CCDC102B: variants seen among roughly 807,000 people sequenced by gnomAD.
CCDC102B encodes the protein coiled-coil domain-containing protein 102B.
CCDC102B carries 75 observed loss-of-function variants against 57.4 expected under a neutral mutation model. The ratio of observed to expected loss-of-function variants is 1.31; its 90% confidence interval spans 1.08 to 1.58. The LOEUF (loss-of-function observed/expected upper bound fraction) is 1.58. Among genes scored for constraint, CCDC102B ranks in the 40% most tolerant of loss-of-function variants. The probability of loss-of-function intolerance (pLI) is 0.00; values close to 1 mark genes in which losing one functional copy is unlikely to be tolerated. For missense variants in CCDC102B, 636 were observed against 582.6 expected (o/e 1.09, Z -0.94); for synonymous variants, 206 against 201.9 (o/e 1.02, Z -0.17).
intron 2 of CCDC102B, among the ~76,000 whole-genome samples, chr18:68,784,867 T>C (rs2035138744): frequency 6.6e-6 from 1 of 152,070 alleles, no homozygotes; most frequent in South Asian, 2.1e-4. Context: ...AGTGTACTTG[T>C]GCACATTGTG....
intron 5 of CCDC102B, among the ~76,000 whole-genome samples, chr18:68,893,069 T>C (rs1227228874): frequency 6.6e-6 from 1 of 152,260 alleles, no homozygotes; most frequent in Non-Finnish European, 1.5e-5. Context: ...ATTTAAAAAG[T>C]GATTGTCATC....
At chr18:68,765,459 AAG>A (rs769046649) in intron 2 of CCDC102B, among the ~76,000 whole-genome samples, 62 of 151,610 alleles carry the variant, frequency 4.1e-4, no homozygotes, top group South Asian at 1.3e-3. Context: ...AAGAGGAAGA[AAG>A]AGAGAGAAAG....
chr18:68,874,776 A>G lies in CCDC102B; in HGVS notation c.1044A>G (p.Leu348=). Residue 348 remains leucine (L), a synonymous_variant, in exon 5 of 8, where the codon TTA becomes TTG. Coordinates refer to ENST00000360242, the MANE Select transcript of CCDC102B (RefSeq NM_024781.3). ...QNSKDRVICE[L]RAELERLQAE... is the part of the protein sequence containing the mutation. Reference sequence around the variant, plus strand: ...GCAAAGACAGAGTGATTTGTGAGTTAAGAGCAGAGGTAAGACACTGGGTAA... The same window carrying G: ...GCAAAGACAGAGTGATTTGTGAGTTGAGAGCAGAGGTAAGACACTGGGTAA... 6.3e-7 allele frequency: 1 copy of G among 1,591,038 alleles called. No individual in the cohort carries two copies. The highest frequency in any genetic ancestry group is 8.6e-7 in the Non-Finnish European group (1 of 1,159,600).
chr18:68,949,965 T>G (rs1391644936), intron 6 of CCDC102B, among the ~76,000 whole-genome samples: 1 of 152,152 alleles, frequency 6.6e-6, no homozygotes, highest in Non-Finnish European at 1.5e-5. Flanking sequence ...ATCTAAGAGA[T>G]ATCACCAACC....
intron 6 of CCDC102B, among the ~76,000 whole-genome samples, chr18:68,992,114 C>T (rs2050885340): frequency 6.7e-6 from 1 of 150,158 alleles, no homozygotes; most frequent in South Asian, 2.1e-4. Context: ...TCATTTGGTT[C>T]TCTGATTCAA....
At position 69,055,068 on chromosome 18, in the gene CCDC102B, T is replaced by C; in HGVS notation, c.*931T>C. The C allele has an allele frequency of 1.0e-6, 1 of 983,300 alleles. No homozygotes were observed. Among genetic ancestry groups the C allele is most frequent in the Non-Finnish European group, 1.2e-6 (1 of 828,038 alleles). The allele number at this position is 983,300 out of a possible 1,614,324, so 60.9% of individuals were successfully genotyped here. A position where few individuals can be genotyped will look rare whatever the true frequency, so the allele number is the denominator to read the frequency against. ...ATACCTATTTTCAACTGAAGGCAAC[T>C]TGTAAGATTTAACTCAGTCAATAAC... On this transcript the variant is annotated 3_prime_UTR_variant, in exon 8 of 8. Transcript: ENST00000360242.
chr18:68,817,825 A>T (rs374415442), intron 1 of CCDC102B, among the ~76,000 whole-genome samples: 1 of 152,270 alleles, frequency 6.6e-6, no homozygotes, highest in East Asian at 1.9e-4. Flanking sequence ...ATATTTGATA[A>T]TGAAATTCTC....
At chr18:68,963,945 G>A (rs539928068) in intron 6 of CCDC102B, among the ~76,000 whole-genome samples, 1 of 151,918 alleles carries the variant, frequency 6.6e-6, no homozygotes, top group African/African-American at 2.4e-5. Flanking sequence ...TCTCCATCAA[G>A]CCAAAAACTA....
Position 68,861,297 on chromosome 18 carries a change from G to GTT in CCDC102B, c.937-13363_937-13362dup, listed in dbSNP as rs34605846. On this transcript the variant is annotated intron_variant, in intron 4 of 7. Coordinates refer to ENST00000360242, the MANE Select transcript of CCDC102B (RefSeq NM_024781.3). ...GCTTTTTTTCTGGAGCAGTTTAAAT[G>GTT]TTTTTTTTTTCTCTGCACTATGTAT... Among the ~76,000 whole-genome samples the GTT allele has an allele frequency of 6.2e-3, 934 of 149,716 alleles. 3 individuals carry two copies. Among genetic ancestry groups the GTT allele is most frequent in the Non-Finnish European group, 8.2e-3 (555 of 67,466 alleles).
In CCDC102B at chr18:68,789,028, T is replaced by G. The variant is rs935671926; in HGVS notation, c.-66-34338T>G. Among the ~76,000 whole-genome samples the G allele has an allele frequency of 7.2e-5, 11 of 152,262 alleles. No homozygotes were observed. The East Asian group carries it at 9.7e-4, about 13-fold the overall frequency. The stretch of plus-strand genomic sequence containing the variant: ...GAGCTCTTTTAGGGCAGGCCTGGTG[T>G]TGACAAAATCTCTCAGCATTTGCTT... On this transcript the variant is annotated intron_variant, in intron 2 of 3. Coordinates refer to the CCDC102B transcript ENST00000578970.
chr18:68,741,664 T>C lies in CCDC102B; in HGVS notation c.-67+25070T>C, dbSNP rs1019357518. 6.8e-5 allele frequency among the ~76,000 whole-genome samples: 8 copies of C among 117,788 alleles called. No individual in the cohort carries two copies. The Admixed American group carries it at 8.3e-4, about 12-fold the overall frequency. The allele number at this position is 117,788 out of a possible 152,430, so 77.3% of individuals were successfully genotyped here. A position where few individuals can be genotyped will look rare whatever the true frequency, so the allele number is the denominator to read the frequency against. On this transcript the variant is annotated intron_variant, in intron 2 of 3. Transcript: ENST00000578970. ...CCAAATTTTGTCCAAATGTGAAGAC[T>C]GGTCACACACACACACACACACACA...
At chr18:68,856,614 T>G (rs1166471846) in intron 4 of CCDC102B, among the ~76,000 whole-genome samples, 1 of 152,140 alleles carries the variant, frequency 6.6e-6, no homozygotes, top group Non-Finnish European at 1.5e-5. Flanking sequence ...AACATTCATA[T>G]CCTATTATTT....
intron 1 of CCDC102B, among the ~76,000 whole-genome samples, chr18:68,800,775 C>A (rs2035819936): frequency 6.6e-6 from 1 of 152,128 alleles, no homozygotes; most frequent in African/African-American, 2.4e-5. Context: ...GTATAAGTTT[C>A]ATTTCAATAG....
At chr18:68,991,793 T>C (rs1405573178) in intron 6 of CCDC102B, among the ~76,000 whole-genome samples, 3 of 152,222 alleles carry the variant, frequency 2.0e-5, no homozygotes, top group Admixed American at 2.0e-4. Context: ...TTCCTACTGT[T>C]ATATAATTTT....
intron 6 of CCDC102B, among the ~76,000 whole-genome samples, chr18:68,924,572 AC>A (rs1424498656): frequency 6.6e-6 from 1 of 152,012 alleles, no homozygotes; most frequent in African/African-American, 2.4e-5. Context: ...ACTAATAAAC[AC>A]CCATTTACAC....
intron 4 of CCDC102B, among the ~76,000 whole-genome samples, chr18:68,862,235 A>T (rs1320936371): frequency 6.6e-6 from 1 of 152,166 alleles, no homozygotes; most frequent in Non-Finnish European, 1.5e-5. Flanking sequence ...AACCTTGTGG[A>T]TATTTCTGTT....
At chr18:68,760,433 T>C (rs952889625) in intron 2 of CCDC102B, among the ~76,000 whole-genome samples, 12 of 152,062 alleles carry the variant, frequency 7.9e-5, no homozygotes, top group Non-Finnish European at 1.8e-4. Context: ...AAAGAGGACA[T>C]TGTATTACTT....
At chr18:69,015,982 G>A (rs1175511530) in intron 7 of CCDC102B, among the ~76,000 whole-genome samples, 5 of 150,500 alleles carry the variant, frequency 3.3e-5, no homozygotes, top group Admixed American at 2.6e-4. Context: ...AGCCTCTCAA[G>A]TTGCTGGGAC....
intron 1 of CCDC102B, among the ~76,000 whole-genome samples, chr18:68,826,000 A>C (rs2036890303): frequency 1.3e-5 from 2 of 152,346 alleles, no homozygotes; most frequent in African/African-American, 4.8e-5. Context: ...ATATATACTA[A>C]TGAAAACCTA....
Sources: allele counts gnomAD v4.1 joint callset (sites outside exome capture counted in the v4.1 genomes callset), GRCh38; gene constraint gnomAD v4.1.1; transcripts MANE v1.5; gene names NCBI Gene and HGNC (gene_info 2026-07-23, HGNC 2026-07-21).